Variants in RASA4B observed in about 807,000 individuals in gnomAD.
RASA4B encodes the protein RAS p21 protein activator 4B.
RASA4B carries 2 observed loss-of-function variants against 24.2 expected under a neutral mutation model. The ratio of observed to expected loss-of-function variants is 0.08; its 90% confidence interval spans 0.03 to 0.26. The LOEUF (loss-of-function observed/expected upper bound fraction) is 0.26. Ranked by LOEUF, RASA4B falls within the 10% of genes least tolerant of loss-of-function variation. The pLI is 1.00. For synonymous variants in RASA4B, 2 were observed against 125.6 expected (o/e 0.02, Z 6.58); for missense variants, 8 against 277.2 (o/e 0.03, Z 6.90).
At chr7:102,500,201 G>A (rs143497680) in intron 8 of RASA4B, among the ~76,000 whole-genome samples, 239 of 63,460 alleles carry the variant, frequency 3.8e-3, no homozygotes, top group South Asian at 0.013. Context: ...GGCCGGGCGC[G>A]GTGGCTCATG....
intron 17 of RASA4B, among the ~76,000 whole-genome samples, chr7:102,490,771 G>C (rs1253862877): frequency 2.0e-5 from 3 of 150,530 alleles, no homozygotes; most frequent in Non-Finnish European, 4.5e-5. Flanking sequence ...ATAGCACCCA[G>C]GCCATTCCCA....
intron 17 of RASA4B, among the ~76,000 whole-genome samples, chr7:102,489,668 C>T (rs1425154676): frequency 6.7e-6 from 1 of 149,214 alleles, no homozygotes; most frequent in East Asian, 2.0e-4. Flanking sequence ...ACTTTTTGTA[C>T]TCTCCCTGAC....
chr7:102,490,122 C>T (rs1798874642), intron 17 of RASA4B, among the ~76,000 whole-genome samples: 1 of 34,968 alleles, frequency 2.9e-5, no homozygotes, highest in Non-Finnish European at 5.5e-5. Context: ...GATATCAGCT[C>T]CATGAGGGCA....
chr7:102,512,716 G>GA (rs1799730311), intron 1 of RASA4B, among the ~76,000 whole-genome samples: 1 of 139,728 alleles, frequency 7.2e-6, no homozygotes, highest in African/African-American at 2.6e-5. Flanking sequence ...GGTGAGAGAG[G>GA]GGGGAGAGAG....
rs1249121467 is a variant in RASA4B at position 102,480,540 on chromosome 7, T to A, written c.*3052A>T. Among the ~76,000 whole-genome samples the A allele has an allele frequency of 2.2e-5, 2 of 92,690 alleles. No individual in the cohort carries two copies. Among genetic ancestry groups the A allele is most frequent in the Non-Finnish European group, 4.7e-5 (2 of 42,370 alleles). The allele number at this position is 92,690 out of a possible 152,430, so 60.8% of individuals were successfully genotyped here. On this transcript the variant is annotated 3_prime_UTR_variant, in exon 21 of 21. Coordinates refer to ENST00000465829, the MANE Select transcript of RASA4B (RefSeq NM_001367767.2). ...TTCAAAGATATACAAAGATAGACTA[T>A]GCAGGATAATGAGCCCCCACATACT...
At chr7:102,504,689 A>C (rs1799433942) in intron 5 of RASA4B, among the ~76,000 whole-genome samples, 1 of 115,472 alleles carries the variant, frequency 8.7e-6, no homozygotes, top group Non-Finnish European at 1.7e-5. Flanking sequence ...CAAAAAAAAA[A>C]AAAAAACCCA....
rs1477034955 is a variant in RASA4B at position 102,480,398 on chromosome 7, G to C, written c.*3194C>G. On this transcript the variant is annotated 3_prime_UTR_variant, in exon 21 of 21. Transcript: ENST00000465829. ...CTCTCCAAGTTGAGAGTGCAGAGGA[G>C]TGTGAGATGCGTGTGAAAATGCAAA... 6.7e-6 allele frequency among the ~76,000 whole-genome samples: 1 copy of C among 149,278 alleles called. No individual in the cohort carries two copies. Among genetic ancestry groups the C allele is most frequent in the South Asian group, 2.2e-4 (1 of 4,620 alleles).
At chr7:102,502,465 C>CA (rs1269463555) in intron 6 of RASA4B, among the ~76,000 whole-genome samples, 95 of 70,300 alleles carry the variant, frequency 1.4e-3, no homozygotes, top group African/African-American at 3.2e-3. Context: ...GCAAAACAAA[C>CA]AAAAAACACA....
rs1798577540 is a variant in RASA4B, at chr7:102,480,132, C to T, written c.*3460G>A. Among the ~76,000 whole-genome samples the T allele has an allele frequency of 6.6e-6, 1 of 152,072 alleles. No homozygotes were observed. The highest frequency in any genetic ancestry group is 2.1e-4 in the South Asian group (1 of 4,824). On this transcript the variant is annotated 3_prime_UTR_variant, in exon 21 of 21. Transcript: ENST00000465829. ...GCTTTCTGTTATGCCCGGACAGGGC[C>T]ACCAGAGGGCTCCTTGGTCTAGCGG...
chr7:102,502,659 C>A lies in RASA4B; in HGVS notation c.510+504G>T, dbSNP rs549017255. Among the ~76,000 whole-genome samples the A allele has an allele frequency of 2.6e-5, 3 of 113,730 alleles. No individual in the cohort carries two copies. In the East Asian group the frequency reaches 6.5e-4, roughly 25 times the overall value. The allele number at this position is 113,730 out of a possible 152,430, so 74.6% of individuals were successfully genotyped here. On this transcript the variant is annotated intron_variant, in intron 6 of 20. Transcript: ENST00000465829. Reference sequence around the variant, plus strand: ...CCTGTAATCCTAGCTACTCGTGTGGCTGAGGCAGGAGAATCTCTCCAACTG... The same window carrying A: ...CCTGTAATCCTAGCTACTCGTGTGGATGAGGCAGGAGAATCTCTCCAACTG...
rs890339197 is a variant in RASA4B at position 102,480,076 on chromosome 7, A to G, written c.*3516T>C. Among the ~76,000 whole-genome samples the G allele has an allele frequency of 1.3e-5, 2 of 152,076 alleles. No individual in the cohort carries two copies. The highest frequency in any genetic ancestry group is 4.8e-5 in the African/African-American group (2 of 41,436). ...ATACAGAGATAGGAGCTGAGGGGAC[A>G]ATGAGGAGTGACCAGAAGACAAGAG... On this transcript the variant is annotated 3_prime_UTR_variant, in exon 21 of 21. Coordinates refer to ENST00000465829, the MANE Select transcript of RASA4B (RefSeq NM_001367767.2).
At chr7:102,498,504 C>T (rs1440847043) in intron 8 of RASA4B, among the ~76,000 whole-genome samples, 3 of 145,738 alleles carry the variant, frequency 2.1e-5, no homozygotes, top group Admixed American at 6.9e-5. Context: ...TCATGATCCA[C>T]CCGCCTCGGC....
chr7:102,496,096 T>A (rs746317), intron 11 of RASA4B, 44 bp downstream of exon 11: 1 of 1,562,404 alleles, frequency 6.4e-7, no homozygotes, highest in South Asian at 1.1e-5. Flanking sequence ...TGAAGCTCAG[T>A]GTTGTCGTTT....
At position 102,480,141 on chromosome 7, in the gene RASA4B, G is replaced by A. The variant is rs1249900267; in HGVS notation, c.*3451C>T. The stretch of plus-strand genomic sequence containing the variant: ...TATGCCCGGACAGGGCCACCAGAGG[G>A]CTCCTTGGTCTAGCGGTAACGCCAG... On this transcript the variant is annotated 3_prime_UTR_variant, in exon 21 of 21. Coordinates refer to ENST00000465829, the MANE Select transcript of RASA4B (RefSeq NM_001367767.2). Among the ~76,000 whole-genome samples the A allele has an allele frequency of 6.6e-6, 1 of 152,106 alleles. No individual in the cohort carries two copies. Among genetic ancestry groups the A allele is most frequent in the African/African-American group, 2.4e-5 (1 of 41,446 alleles).
chr7:102,498,183 G>A (rs1407932820), intron 8 of RASA4B, among the ~76,000 whole-genome samples: 4 of 141,432 alleles, frequency 2.8e-5, no homozygotes, highest in Non-Finnish European at 6.3e-5. Flanking sequence ...ACAGGCATGC[G>A]CCACCATACC....
chr7:102,489,664 T>C lies in RASA4B; in HGVS notation c.1969-1066A>G, dbSNP rs1414017931. Among the ~76,000 whole-genome samples, 107 of 149,332 alleles carry C rather than the reference T, an allele frequency of 7.2e-4. 3 individuals carry two copies. The highest frequency in any genetic ancestry group is 2.4e-3 in the African/African-American group (98 of 40,974). On this transcript the variant is annotated intron_variant, in intron 17 of 20. Transcript: ENST00000465829. ...CCCACCACCACACCCGGCTACTTTT[T>C]GTACTCTCCCTGACCACTCTTAATA...
chr7:102,500,512 G>C (rs1799328721), intron 8 of RASA4B, among the ~76,000 whole-genome samples, 187 bp downstream of exon 8: 1 of 142,032 alleles, frequency 7.0e-6, no homozygotes, highest in Non-Finnish European at 1.6e-5. Flanking sequence ...TAAATAAAGG[G>C]GAGGTGGAGC....
In RASA4B at chr7:102,481,665, CAAAA is replaced by C. The variant is rs553740659; in HGVS notation, c.*1923_*1926del. On this transcript the variant is annotated 3_prime_UTR_variant, in exon 21 of 21. Transcript: ENST00000465829. Reference sequence around the variant, plus strand: ...TGGGCAACACAGTGAGACTCTGTCTCAAAAAAAAAAAAAAAAAAAATTATAAAGT... The same window carrying C: ...TGGGCAACACAGTGAGACTCTGTCTCAAAAAAAAAAAAAAAATTATAAAGT... Among the ~76,000 whole-genome samples, 20 of 35,864 alleles carry C rather than the reference CAAAA, an allele frequency of 5.6e-4. No individual in the cohort carries two copies. The highest frequency in any genetic ancestry group is 1.4e-3 in the African/African-American group (19 of 13,308). The allele number at this position is 35,864 out of a possible 152,430, so 23.5% of individuals were successfully genotyped here. A position where few individuals can be genotyped will look rare whatever the true frequency, so the allele number is the denominator to read the frequency against.
intron 18 of RASA4B, among the ~76,000 whole-genome samples, chr7:102,486,372 GA>G (rs1204849288): frequency 1.2e-3 from 161 of 138,908 alleles, no homozygotes; most frequent in Middle Eastern, 3.6e-3. Flanking sequence ...AAAAACAAAA[GA>G]GTCACCCATC....
Sources: gnomAD v4.1 joint callset for allele counts (sites outside exome capture counted in the v4.1 genomes callset) on GRCh38, gnomAD v4.1.1 for gene constraint, MANE v1.5 for transcripts, NCBI Gene and HGNC (gene_info 2026-07-23, HGNC 2026-07-21) for gene names.